Variants in ZBTB7C observed in about 807,000 individuals in gnomAD.
ZBTB7C encodes zinc finger and BTB domain containing 7C, also known as zinc finger and BTB domain-containing protein 7C.
In ZBTB7C, 8 loss-of-function variants were observed where a neutral mutation model predicts 25.7. The observed-to-expected ratio is 0.31, with a 90% CI of 0.18 to 0.56. ZBTB7C has a LOEUF of 0.56. Ranked by LOEUF, ZBTB7C falls within the 20% of genes least tolerant of loss-of-function variation. The pLI is 0.91. For synonymous variants in ZBTB7C, 394 were observed against 369.0 expected (o/e 1.07, Z -0.78); for missense variants, 824 against 855.2 (o/e 0.96, Z 0.46).
rs10651143 is a variant in ZBTB7C, at chr18:48,097,382, G to GTTGTTATTATTATTATTA, written c.-16-56260_-16-56259insTAATAATAATAATAACAA. Among the ~76,000 whole-genome samples the GTTGTTATTATTATTATTA allele has an allele frequency of 2.8e-3, 409 of 144,966 alleles. 1 individual carries two copies. Among genetic ancestry groups the GTTGTTATTATTATTATTA allele is most frequent in the East Asian group, 6.7e-3 (33 of 4,912 alleles). Reference sequence around the variant, plus strand: ...AAAGACAACTTTTATTATTGTTGTTGTTATTATTATTATTATTATTATTAT... The same window carrying GTTGTTATTATTATTATTA: ...AAAGACAACTTTTATTATTGTTGTTGTTGTTATTATTATTATTATTATTATTATTATTATTATTATTAT... On this transcript the variant is annotated intron_variant, in intron 3 of 4. Coordinates refer to ENST00000590800, the MANE Select transcript of ZBTB7C (RefSeq NM_001318841.2).
intron 3 of ZBTB7C, among the ~76,000 whole-genome samples, chr18:48,175,119 A>G (rs1197143135): frequency 6.6e-6 from 1 of 152,228 alleles, no homozygotes; most frequent in East Asian, 1.9e-4. Context: ...AATAAGAATG[A>G]GAAGGAAAAA....
At chr18:48,034,894 G>A (rs2035908665) in intron 4 of ZBTB7C, among the ~76,000 whole-genome samples, 2 of 152,336 alleles carry the variant, frequency 1.3e-5, no homozygotes, top group South Asian at 2.1e-4. Context: ...GAAAAGGGCT[G>A]TGGGGCCTTG....
intron 3 of ZBTB7C, among the ~76,000 whole-genome samples, chr18:48,060,196 A>C (rs2037075032): frequency 6.6e-6 from 1 of 152,134 alleles, no homozygotes; most frequent in East Asian, 1.9e-4. Flanking sequence ...AATGAGAGGA[A>C]TTTTTAGCTT....
chr18:48,410,885 A>G (rs2048378507), upstream of ZBTB7C: 1 of 152,258 alleles, frequency 6.6e-6, no homozygotes, highest in Non-Finnish European at 1.5e-5. Context: ...GAGATGGCGA[A>G]TCCCGGCCGC....
chr18:48,308,721 G>A (rs918406682), intron 2 of ZBTB7C, among the ~76,000 whole-genome samples: 5 of 152,216 alleles, frequency 3.3e-5, no homozygotes, highest in Non-Finnish European at 7.3e-5. Flanking sequence ...ACCATACCTT[G>A]AGTAGTTCTG....
intron 2 of ZBTB7C, among the ~76,000 whole-genome samples, chr18:48,233,509 G>T (rs2043306610): frequency 1.3e-5 from 2 of 152,196 alleles, no homozygotes; most frequent in African/African-American, 4.8e-5. Flanking sequence ...AGGAAGACCG[G>T]TGAGCTGGAA....
At chr18:48,379,850 G>A (rs892611069) in intron 1 of ZBTB7C, among the ~76,000 whole-genome samples, 24 of 152,240 alleles carry the variant, frequency 1.6e-4, no homozygotes, top group African/African-American at 5.3e-4. Flanking sequence ...AAAACATACA[G>A]ATAGCAAATA....
At chr18:48,132,940 G>A (rs1245363635) in intron 3 of ZBTB7C, among the ~76,000 whole-genome samples, 1 of 152,212 alleles carries the variant, frequency 6.6e-6, no homozygotes, top group Non-Finnish European at 1.5e-5. Context: ...ATTTGGGAGG[G>A]CCACATGTAC....
At chr18:48,069,100 G>T (rs561929863) in intron 3 of ZBTB7C, among the ~76,000 whole-genome samples, 1 of 152,174 alleles carries the variant, frequency 6.6e-6, no homozygotes, top group Non-Finnish European at 1.5e-5. Flanking sequence ...TGGTATCCCC[G>T]GCCCCAGCGC....
At chr18:48,067,714 T>C (rs150380697) in intron 3 of ZBTB7C, among the ~76,000 whole-genome samples, 6 of 152,172 alleles carry the variant, frequency 3.9e-5, no homozygotes, top group South Asian at 2.1e-4. Context: ...AATAAATCTC[T>C]CTCTCAGTTG....
intron 3 of ZBTB7C, among the ~76,000 whole-genome samples, chr18:48,098,336 C>A (rs1227116751): frequency 6.6e-6 from 1 of 152,122 alleles, no homozygotes; most frequent in Non-Finnish European, 1.5e-5. Context: ...ACATTTTACC[C>A]GGCTGACTCT....
At chr18:48,116,491 T>C (rs2039444949) in intron 3 of ZBTB7C, among the ~76,000 whole-genome samples, 1 of 152,252 alleles carries the variant, frequency 6.6e-6, no homozygotes, top group South Asian at 2.1e-4. Context: ...TCTCCAGTCC[T>C]CAGGGCAGTC....
chr18:48,190,875 C>A (rs1040759939), intron 2 of ZBTB7C, among the ~76,000 whole-genome samples: 1 of 152,134 alleles, frequency 6.6e-6, no homozygotes, highest in Non-Finnish European at 1.5e-5. Flanking sequence ...GACATCTTCC[C>A]CCCACCACCC....
intron 1 of ZBTB7C, among the ~76,000 whole-genome samples, chr18:48,355,987 A>G (rs1478146858): frequency 6.6e-6 from 1 of 152,166 alleles, no homozygotes; most frequent in Non-Finnish European, 1.5e-5. Flanking sequence ...CAGCAGCAAC[A>G]GGCAACTTGC....
At chr18:48,406,924 T>C (rs2048295641) in intron 1 of ZBTB7C, among the ~76,000 whole-genome samples, 1 of 152,230 alleles carries the variant, frequency 6.6e-6, no homozygotes. Flanking sequence ...TATCATTCAA[T>C]TCCTTCCTGC....
chr18:48,335,306 T>C (rs1472110151), intron 2 of ZBTB7C, among the ~76,000 whole-genome samples: 2 of 152,230 alleles, frequency 1.3e-5, no homozygotes, highest in Non-Finnish European at 2.9e-5. Flanking sequence ...AAATTGATCG[T>C]CACGGGGCAA....
At chr18:48,179,664 T>C (rs2041817162) in intron 3 of ZBTB7C, among the ~76,000 whole-genome samples, 1 of 139,438 alleles carries the variant, frequency 7.2e-6, no homozygotes, top group Non-Finnish European at 1.6e-5. Context: ...GCAAAGAAGA[T>C]ATTTCTCTCT....
chr18:48,155,917 G>A (rs534421927), intron 3 of ZBTB7C, among the ~76,000 whole-genome samples: 100 of 152,294 alleles, frequency 6.6e-4, no homozygotes, highest in Non-Finnish European at 1.1e-3. Flanking sequence ...TACTCAGCCT[G>A]TCAAAGTTGC....
At chr18:48,044,621 G>A (rs569096975) in intron 3 of ZBTB7C, among the ~76,000 whole-genome samples, 1 of 152,380 alleles carries the variant, frequency 6.6e-6, no homozygotes, top group Non-Finnish European at 1.5e-5. Flanking sequence ...GGTGTGGTGT[G>A]AGCATCTGTG....
Sources: gnomAD v4.1 joint callset for allele counts (sites outside exome capture counted in the v4.1 genomes callset) on GRCh38, gnomAD v4.1.1 for gene constraint, MANE v1.5 for transcripts, NCBI Gene and HGNC (gene_info 2026-07-23, HGNC 2026-07-21) for gene names.